Variants in ANPEP observed in about 807,000 individuals in gnomAD.
ANPEP encodes aminopeptidase N.
In ANPEP, 70 loss-of-function variants were observed where a neutral mutation model predicts 114.6. The ratio of observed to expected loss-of-function variants is 0.61; its 90% CI spans 0.50 to 0.75. ANPEP has a LOEUF of 0.75. Among genes scored for constraint, ANPEP ranks in the 30% least tolerant of loss-of-function variants. The probability of loss-of-function intolerance (pLI) is 0.00; values close to 1 mark genes in which losing one functional copy is unlikely to be tolerated. For synonymous variants in ANPEP, 548 were observed against 522.3 expected (o/e 1.05, Z -0.67); for missense variants, 1,184 against 1,259.5 (o/e 0.94, Z 0.91).
rs140563866 is a variant in ANPEP at position 89,786,835 on chromosome 15, C to T, written c.2752-1334G>A. On this transcript the variant is annotated intron_variant, in intron 20 of 20. Transcript: ENST00000300060. ...ATAGAATTGAGAATCCAAAAACAAA[C>T]CCTTATATTTACCGTCAATTGATTT... 4.6e-5 allele frequency among the ~76,000 whole-genome samples: 7 copies of T among 152,120 alleles called. 1 individual carries two copies. The highest frequency in any genetic ancestry group is 1.3e-4 in the Admixed American group (2 of 15,268).
rs980536600 is a variant in ANPEP, at chr15:89,793,128, T to C, written c.2158-2A>G. The stretch of plus-strand genomic sequence containing the variant: ...TGTGACCTGCTTCTTCAGGTAGTTC[T>C]GGGGAAAAGAAAATATGAATCTCAT... On this transcript the variant is annotated splice_acceptor_variant, in intron 15 of 20. Coordinates refer to ENST00000300060, the MANE Select transcript of ANPEP (RefSeq NM_001150.3). LOFTEE classifies it high-confidence loss of function. 1.9e-6 allele frequency: 3 copies of C among 1,612,220 alleles called. No homozygotes were observed. The highest frequency in any genetic ancestry group is 1.7e-6 in the Non-Finnish European group (2 of 1,178,338).
intron 15 of ANPEP, 126 bp from the exon 16 acceptor site, chr15:89,793,252 CCAAA>C: frequency 1.4e-6 from 1 of 728,342 alleles, no homozygotes. Flanking sequence ...TCACCTGAGG[CCAAA>C]CAGTGCTCAA....
Position 89,812,948 on chromosome 15 carries a change from T to G in ANPEP, c.-224+1824A>C, listed in dbSNP as rs548976894. 1.1e-4 allele frequency among the ~76,000 whole-genome samples: 16 copies of G among 152,184 alleles called. No homozygotes were observed. In the South Asian group the frequency reaches 3.3e-3, roughly 32 times the overall value. On this transcript the variant is annotated intron_variant, in intron 1 of 20. Transcript: ENST00000300060. Reference sequence around the variant, plus strand: ...CAGGGCTGGGAGCTGGGGGTAGTTCTCAGAAGTAGAACTTGTTAGCCAGGG... The same window carrying G: ...CAGGGCTGGGAGCTGGGGGTAGTTCGCAGAAGTAGAACTTGTTAGCCAGGG...
At chr15:89,791,218 G>A in intron 18 of ANPEP, 125 bp from the exon 19 acceptor site, 1 of 1,137,242 alleles carries the variant, frequency 8.8e-7, no homozygotes, top group Non-Finnish European at 1.3e-6. Context: ...GCCAGGGGCT[G>A]AGGGACCCCT....
chr15:89,804,349 G>GGTCACCA lies in ANPEP; in HGVS notation c.1076_1082dup (p.Tyr362GlyfsTer30). ...CGAACAGCAGGGAGTTCTCCCGGTA[G>GGTCACCA]GTCACCAGTCCCCAGTTCTCCATGG... On this transcript the variant is annotated frameshift_variant, in exon 6 of 21. Coordinates refer to ENST00000300060, the MANE Select transcript of ANPEP (RefSeq NM_001150.3). LOFTEE classifies it high-confidence loss of function. 1 of 1,614,210 alleles carries GGTCACCA rather than the reference G, an allele frequency of 6.2e-7. No homozygotes were observed. The highest frequency in any genetic ancestry group is 8.5e-7 in the Non-Finnish European group (1 of 1,180,024).
At position 89,801,574 on chromosome 15, in the gene ANPEP, T is replaced by G. The variant is rs763050446; in HGVS notation, c.1603A>C (p.Thr535Pro). ...VNNRSIQLPT[T>P]VRDIMNRWTL... is the part of the protein sequence containing the mutation. The stretch of plus-strand genomic sequence containing the variant: ...CAGCGGTTCATGATGTCCCGCACGG[T>G]GGTGGGGAGTTGGATGGACCGGTTG... Residue 535 changes from threonine (T) to proline (P), a missense_variant, in exon 11 of 21, where the codon ACC becomes CCC. Coordinates refer to ENST00000300060, the MANE Select transcript of ANPEP (RefSeq NM_001150.3). 3.7e-6 allele frequency: 6 copies of G among 1,613,654 alleles called. No individual in the cohort carries two copies. In the South Asian group the frequency reaches 6.6e-5, roughly 18 times the overall value.
intron 19 of ANPEP, among the ~76,000 whole-genome samples, 200 bp from the exon 20 acceptor site, chr15:89,790,741 A>T (rs1968605241): frequency 6.6e-6 from 1 of 152,002 alleles, no homozygotes; most frequent in African/African-American, 2.4e-5. Flanking sequence ...TCTGGAGAAT[A>T]CGCCCACACG....
At chr15:89,805,581 T>A in intron 2 of ANPEP, 118 bp from the exon 3 acceptor site, 1 of 1,378,576 alleles carries the variant, frequency 7.3e-7, no homozygotes, top group Non-Finnish European at 9.8e-7. Flanking sequence ...GCCTAACCCC[T>A]GCTCCTGCTC....
rs1177614099 is a variant in ANPEP at position 89,801,461 on chromosome 15, G to A, written c.1716C>T (p.Ser572=). ...SQEHFLLDPD[S]NVTRPSEFNY... ...TGAATTCTGAGGGGCGGGTAACATT[G>A]GAATCGGGGTCAAGGAGGAAGTGCT... Residue 572 remains serine, a synonymous_variant, in exon 11 of 21, where the codon TCC becomes TCT. Transcript: ENST00000300060. 2 of 1,614,062 alleles carry A rather than the reference G, an allele frequency of 1.2e-6. No homozygotes were observed. The highest frequency in any genetic ancestry group is 1.7e-6 in the Non-Finnish European group (2 of 1,180,016).
intron 1 of ANPEP, among the ~76,000 whole-genome samples, chr15:89,811,178 C>T (rs1222200439): frequency 1.3e-5 from 2 of 152,192 alleles, no homozygotes; most frequent in Non-Finnish European, 2.9e-5. Flanking sequence ...CCTCTCTACC[C>T]GACATTCCTT....
intron 14 of ANPEP, among the ~76,000 whole-genome samples, chr15:89,798,840 T>G (rs1894526766): frequency 6.6e-6 from 1 of 152,162 alleles, no homozygotes; most frequent in African/African-American, 2.4e-5. Flanking sequence ...CTCGGGAGGC[T>G]GAGGCAGAGA....
rs1421183701 is a variant in ANPEP at position 89,799,289 on chromosome 15, CT to C, written c.1979del (p.Gln660ArgfsTer21). 1 of 1,614,112 alleles carries C rather than the reference CT, an allele frequency of 6.2e-7. No homozygotes were observed. Among genetic ancestry groups the C allele is most frequent in the African/African-American group, 1.3e-5 (1 of 74,946 alleles). ...CCAGGTTGAAGGCGTCATTAATGAT[CT>C]GTGCCCGATTGATGACAGGGATGGC... ...HSAIPVINRA[Q>X]IINDAFNLAS... On this transcript the variant is annotated frameshift_variant, in exon 14 of 21. Transcript: ENST00000300060. LOFTEE classifies it high-confidence loss of function. The surrounding 1 kb of genome is among the most constrained non-coding windows in gnomAD (Gnocchi z 4.2).
In ANPEP at chr15:89,785,293, G is replaced by C; in HGVS notation, c.*56C>G. On this transcript the variant is annotated 3_prime_UTR_variant, in exon 21 of 21. Transcript: ENST00000300060. ...AATGGAGGCCCTGCACCAGCCGCTG[G>C]GATGGACACATGTGGGCACCTTGCA... 1 of 1,606,250 alleles carries C rather than the reference G, an allele frequency of 6.2e-7. No individual in the cohort carries two copies.
intron 4 of ANPEP, 132 bp from the exon 5 acceptor site, chr15:89,804,749 A>G (rs1894674577): frequency 7.6e-7 from 1 of 1,316,896 alleles, no homozygotes; most frequent in Non-Finnish European, 1.0e-6. Context: ...AGCTAAACCT[A>G]GAGGCCTGGT....
chr15:89,790,432 A>G, intron 20 of ANPEP, 28 bp downstream of exon 20: 1 of 1,604,838 alleles, frequency 6.2e-7, no homozygotes. Context: ...AAGTAGGCAG[A>G]GCCCAGGTCT....
chr15:89,805,517 C>G, intron 2 of ANPEP, 54 bp from the exon 3 acceptor site: 1 of 1,603,174 alleles, frequency 6.2e-7, no homozygotes, highest in Non-Finnish European at 8.5e-7. Flanking sequence ...GTGGGAGGGG[C>G]TCTGAGGATG....
Position 89,785,252 on chromosome 15 carries a change from T to A in ANPEP, c.*97A>T. 6.7e-7 allele frequency: 1 copy of A among 1,488,190 alleles called. No homozygotes were observed. The allele number at this position is 1,488,190 out of a possible 1,614,324, so 92.2% of individuals were successfully genotyped here. On this transcript the variant is annotated 3_prime_UTR_variant, in exon 21 of 21. Coordinates refer to ENST00000300060, the MANE Select transcript of ANPEP (RefSeq NM_001150.3). ...TTTGTCCTTGAGGGGAGGACACTGGTGCCTCGGGCTCCAGGAATGGAGGCC... is the reference window on the plus strand; with the variant it reads ...TTTGTCCTTGAGGGGAGGACACTGGAGCCTCGGGCTCCAGGAATGGAGGCC...
Position 89,792,444 on chromosome 15 carries a change from A to G in ANPEP, c.2360+8T>C. 1.9e-6 allele frequency: 3 copies of G among 1,613,848 alleles called. No homozygotes were observed. Among genetic ancestry groups the G allele is most frequent in the Non-Finnish European group, 2.5e-6 (3 of 1,179,822 alleles). On this transcript the variant is annotated splice_region_variant and intron_variant, in intron 17 of 20. Coordinates refer to ENST00000300060, the MANE Select transcript of ANPEP (RefSeq NM_001150.3). The stretch of plus-strand genomic sequence containing the variant: ...GACTGGCAGAGGAGGCGCAGGGGAG[A>G]CACTCACGGGTTATTATTGGGGTTC...
intron 18 of ANPEP, among the ~76,000 whole-genome samples, chr15:89,791,358 G>A (rs537697248): frequency 3.3e-5 from 5 of 152,278 alleles, no homozygotes; most frequent in African/African-American, 9.6e-5. Context: ...GAGTCCTAGC[G>A]CCCCAAGCCC....
Sources: allele counts gnomAD v4.1 joint callset (sites outside exome capture counted in the v4.1 genomes callset), GRCh38; gene constraint gnomAD v4.1.1; non-coding constraint Gnocchi (gnomAD v3.1); transcripts MANE v1.5; gene names NCBI Gene and HGNC (gene_info 2026-07-23, HGNC 2026-07-21).